Variants in ROBO2 observed in about 807,000 individuals in gnomAD.
ROBO2 encodes the protein roundabout guidance receptor 2.
Under a neutral mutation model 160.8 loss-of-function variants are expected in ROBO2, and 53 were observed. That is an observed-to-expected ratio of 0.33 (90% CI 0.26 to 0.41). ROBO2 has a LOEUF of 0.41. Among genes scored for constraint, ROBO2 ranks in the 10% least tolerant of loss-of-function variants. The pLI, the probability that ROBO2 is intolerant of heterozygous loss-of-function variation, is 1.00. For synonymous variants in ROBO2, 664 were observed against 611.7 expected (o/e 1.09, Z -1.26); for missense variants, 1,577 against 1,722.4 (o/e 0.92, Z 1.49).
At chr3:76,108,731 T>C (rs1230217803) in intron 2 of ROBO2, among the ~76,000 whole-genome samples, 1 of 151,422 alleles carries the variant, frequency 6.6e-6, no homozygotes, top group African/African-American at 2.4e-5. Context: ...CACAAATTAC[T>C]ATGTATTACC....
Position 76,710,594 on chromosome 3 carries a change from T to A in ROBO2, c.110-387420T>A, listed in dbSNP as rs191600921. On this transcript the variant is annotated intron_variant, in intron 2 of 26. Transcript: ENST00000487694. ...TGCCTTGGAGTTATGGAGACAGAAG[T>A]CAGAATACAGCAGGTTGAGAAGTAA... Among the ~76,000 whole-genome samples the A allele has an allele frequency of 5.3e-5, 8 of 152,258 alleles. No individual in the cohort carries two copies. The East Asian group carries it at 1.5e-3, about 29-fold the overall frequency.
At chr3:76,223,793 A>T (rs954757030) in intron 2 of ROBO2, among the ~76,000 whole-genome samples, 2 of 152,228 alleles carry the variant, frequency 1.3e-5, no homozygotes, top group South Asian at 2.1e-4. Flanking sequence ...TAGAATTTCT[A>T]AGCTAATTCT....
intron 2 of ROBO2, among the ~76,000 whole-genome samples, chr3:76,788,752 G>T (rs2063158689): frequency 6.6e-6 from 1 of 151,378 alleles, no homozygotes; most frequent in South Asian, 2.1e-4. Flanking sequence ...TATTATTGTG[G>T]CTTCAAAGAT....
intron 2 of ROBO2, among the ~76,000 whole-genome samples, chr3:76,269,457 T>A (rs1200947256): frequency 6.6e-6 from 1 of 152,028 alleles, no homozygotes. Context: ...TACAAATATA[T>A]GTAAACCAAA....
intron 6 of ROBO2, among the ~76,000 whole-genome samples, chr3:77,530,219 A>C (rs187541960): frequency 2.2e-4 from 33 of 152,118 alleles, no homozygotes; most frequent in Middle Eastern, 3.4e-3. Flanking sequence ...TGTACCAAGC[A>C]TATAACGTTT....
In ROBO2 at chr3:76,456,751, G is replaced by A. The variant is rs528369767; in HGVS notation, c.109+519149G>A. On this transcript the variant is annotated intron_variant, in intron 2 of 26. Coordinates refer to the ROBO2 transcript ENST00000487694. ...GCTGGTAAAGACGTACCCAAGACTG[G>A]GAAGAAAAAGAGGTTTAATTGGACT... 3.9e-5 allele frequency among the ~76,000 whole-genome samples: 6 copies of A among 152,204 alleles called. No homozygotes were observed. In the South Asian group the frequency reaches 6.2e-4, roughly 16 times the overall value.
At chr3:76,509,802 A>G (rs2080987075) in intron 2 of ROBO2, among the ~76,000 whole-genome samples, 1 of 152,200 alleles carries the variant, frequency 6.6e-6, no homozygotes, top group African/African-American at 2.4e-5. Context: ...ACTCAGGTTG[A>G]GCACCTTTAA....
intron 2 of ROBO2, among the ~76,000 whole-genome samples, chr3:76,438,823 A>C (rs1271461149): frequency 6.6e-6 from 1 of 152,000 alleles, no homozygotes; most frequent in African/African-American, 2.4e-5. Flanking sequence ...TCAATGAATA[A>C]AGAAAATTTA....
At chr3:75,946,791 G>A (rs1948314996) in intron 2 of ROBO2, among the ~76,000 whole-genome samples, 1 of 152,064 alleles carries the variant, frequency 6.6e-6, no homozygotes, top group African/African-American at 2.4e-5. Flanking sequence ...TATTACATGA[G>A]TGCTCTCAGG....
At chr3:76,630,187 C>T (rs546840323) in intron 2 of ROBO2, among the ~76,000 whole-genome samples, 2 of 152,252 alleles carry the variant, frequency 1.3e-5, no homozygotes, top group Admixed American at 1.3e-4. Flanking sequence ...TCTATGTCGG[C>T]TGGGTTTCCT....
chr3:76,077,052 G>GT (rs2068665947), intron 2 of ROBO2, among the ~76,000 whole-genome samples: 1 of 152,052 alleles, frequency 6.6e-6, no homozygotes, highest in African/African-American at 2.4e-5. Context: ...AGTGAATTTT[G>GT]TTTGTTTTTA....
intron 2 of ROBO2, among the ~76,000 whole-genome samples, chr3:76,985,575 G>GAAAAAAAAAAAAAAAAA (rs532632866): frequency 3.8e-5 from 1 of 26,358 alleles, no homozygotes; most frequent in Non-Finnish European, 6.6e-5. Flanking sequence ...GACTCCGTCT[G>GAAAAAAAAAAAAAAAAA]AAAAAAAAAA....
intron 2 of ROBO2, among the ~76,000 whole-genome samples, chr3:77,149,744 C>T (rs551881763): frequency 1.3e-5 from 2 of 151,490 alleles, no homozygotes; most frequent in African/African-American, 2.4e-5. Flanking sequence ...AATCTTGTCC[C>T]AGATGTGATC....
intron 1 of ROBO2, among the ~76,000 whole-genome samples, chr3:77,054,890 G>A (rs796922054): frequency 6.6e-6 from 1 of 151,560 alleles, no homozygotes; most frequent in South Asian, 2.1e-4. Flanking sequence ...TGCAGCCAGT[G>A]ACAGAGAGGC....
At chr3:77,291,945 T>G (rs1412641839) in intron 2 of ROBO2, among the ~76,000 whole-genome samples, 190 of 85,298 alleles carry the variant, frequency 2.2e-3, no homozygotes, top group Middle Eastern at 0.021. Context: ...CGGCTAAAAG[T>G]GTAAGCTGAG....
chr3:77,400,491 G>A lies in ROBO2; in HGVS notation c.389-76923G>A, dbSNP rs139246594. On this transcript the variant is annotated intron_variant, in intron 2 of 25. Coordinates refer to ENST00000461745, the Ensembl canonical transcript of ROBO2. Reference sequence around the variant, plus strand: ...AACACATAGTTCTAAGAAGGAGCCAGTACGTTCACTTTAGACATTAGAAAT... The same window carrying A: ...AACACATAGTTCTAAGAAGGAGCCAATACGTTCACTTTAGACATTAGAAAT... 1.0e-2 allele frequency among the ~76,000 whole-genome samples: 1,522 copies of A among 152,274 alleles called. 18 individuals are homozygous for A. Among genetic ancestry groups the A allele is most frequent in the African/African-American group, 0.025 (1,030 of 41,554 alleles).
intron 2 of ROBO2, among the ~76,000 whole-genome samples, chr3:77,126,965 A>G (rs2075390210): frequency 6.7e-6 from 1 of 150,312 alleles, no homozygotes; most frequent in South Asian, 2.1e-4. Context: ...ATTTTTTTGT[A>G]TTTTTAGTAG....
intron 2 of ROBO2, among the ~76,000 whole-genome samples, chr3:77,207,437 A>G (rs2083578932): frequency 6.6e-6 from 1 of 152,224 alleles, no homozygotes; most frequent in Admixed American, 6.5e-5. Context: ...TGAATTATGT[A>G]TTTAGATGCT....
At chr3:75,932,616 G>A (rs1242980523) in intron 1 of ROBO2, among the ~76,000 whole-genome samples, 2 of 152,260 alleles carry the variant, frequency 1.3e-5, no homozygotes, top group Admixed American at 6.5e-5. Flanking sequence ...GGAGAAGTGC[G>A]TGTTATGTTA....
Sources: gnomAD v4.1 joint callset for allele counts (sites outside exome capture counted in the v4.1 genomes callset) on GRCh38, gnomAD v4.1.1 for gene constraint, MANE v1.5 for transcripts, NCBI Gene and HGNC (gene_info 2026-07-23, HGNC 2026-07-21) for gene names.